Variants in NYAP2 observed in about 807,000 individuals in gnomAD.
NYAP2 encodes neuronal tyrosine-phosphorylated phosphoinositide-3-kinase adaptor 2.
In NYAP2, 23 loss-of-function variants were observed where a neutral mutation model predicts 50.4. The observed-to-expected ratio is 0.46, with a 90% confidence interval of 0.33 to 0.65. NYAP2 has a LOEUF of 0.65. NYAP2 is among the 30% of genes least tolerant of loss of function. The pLI is 0.02. For missense variants in NYAP2, 885 were observed against 861.0 expected, an observed-to-expected ratio of 1.03 and a Z score of -0.35; for synonymous variants, 394 against 365.2, an observed-to-expected ratio of 1.08 and a Z score of -0.90.
intron 4 of NYAP2, among the ~76,000 whole-genome samples, chr2:225,553,019 A>G (rs921452957): frequency 6.6e-6 from 1 of 152,170 alleles, no homozygotes; most frequent in Non-Finnish European, 1.5e-5. Flanking sequence ...CACCAAGGCT[A>G]TGGTACTTTG....
intron 5 of NYAP2, among the ~76,000 whole-genome samples, chr2:225,599,158 G>A (rs563194748): frequency 2.0e-5 from 3 of 152,240 alleles, no homozygotes; most frequent in East Asian, 1.9e-4. Context: ...AGGCATACCC[G>A]AGTTCCCGAG....
chr2:225,583,912 G>A (rs1351177917), intron 5 of NYAP2, among the ~76,000 whole-genome samples: 1 of 152,084 alleles, frequency 6.6e-6, no homozygotes, highest in African/African-American at 2.4e-5. Context: ...TGTGGTGGCG[G>A]GCACCTTTAG....
At chr2:225,466,222 C>G (rs930218398) in intron 3 of NYAP2, among the ~76,000 whole-genome samples, 2 of 152,144 alleles carry the variant, frequency 1.3e-5, no homozygotes, top group Non-Finnish European at 2.9e-5. Flanking sequence ...GATTTATATG[C>G]CCTCTTGACA....
the NYAP2 span, among the ~76,000 whole-genome samples, chr2:225,682,817 G>A: frequency 6.6e-6 from 1 of 152,190 alleles, no homozygotes; most frequent in African/African-American, 2.4e-5. Context: ...AGAGCCCAGA[G>A]TTCTTATGAG....
intron 3 of NYAP2, among the ~76,000 whole-genome samples, chr2:225,488,618 CCA>C (rs1312754659): frequency 6.6e-6 from 1 of 152,192 alleles, no homozygotes; most frequent in Non-Finnish European, 1.5e-5. Context: ...AAATGATCGC[CCA>C]CCTTGGCCTC....
At chr2:225,657,928 C>T (rs538631177), downstream of NYAP2, among the ~76,000 whole-genome samples, 28 of 152,222 alleles carry the variant, frequency 1.8e-4, no homozygotes, top group South Asian at 4.1e-4. Flanking sequence ...GTGTGACCAA[C>T]GGCCCCTTCT....
chr2:225,467,313 T>C (rs1434711704), intron 3 of NYAP2, among the ~76,000 whole-genome samples: 7 of 152,178 alleles, frequency 4.6e-5, no homozygotes, highest in Non-Finnish European at 7.3e-5. Context: ...TTCAGGTTTT[T>C]CCTACCTATT....
At chr2:225,481,304 A>T (rs1018397454) in intron 3 of NYAP2, among the ~76,000 whole-genome samples, 37 of 152,234 alleles carry the variant, frequency 2.4e-4, no homozygotes, top group African/African-American at 8.9e-4. Context: ...TGGTCAAATT[A>T]TAATAATAAT....
intron 6 of NYAP2, among the ~76,000 whole-genome samples, chr2:225,641,422 A>AACACACACACAC (rs56041107): frequency 9.0e-5 from 12 of 133,652 alleles, no homozygotes; most frequent in Non-Finnish European, 1.4e-4. Context: ...CAATCCCTCA[A>AACACACACACAC]ACACACACAC....
At chr2:225,441,064 T>C (rs1215317188) in intron 3 of NYAP2, among the ~76,000 whole-genome samples, 1 of 152,192 alleles carries the variant, frequency 6.6e-6, no homozygotes, top group African/African-American at 2.4e-5. Flanking sequence ...AATTGTGTCA[T>C]GGCCATCCTC....
intron 3 of NYAP2, among the ~76,000 whole-genome samples, chr2:225,454,111 C>T (rs1160621471): frequency 2.6e-5 from 4 of 151,930 alleles, no homozygotes; most frequent in Non-Finnish European, 5.9e-5. Context: ...ATCACTTGAG[C>T]CCAGGAATTT....
chr2:225,541,833 T>C (rs1288507438), intron 4 of NYAP2, among the ~76,000 whole-genome samples: 1 of 152,118 alleles, frequency 6.6e-6, no homozygotes, highest in Non-Finnish European at 1.5e-5. Context: ...AGAATGTCAT[T>C]GGTATTTTGA....
At chr2:225,686,456 G>A in the NYAP2 span, among the ~76,000 whole-genome samples, 2 of 152,156 alleles carry the variant, frequency 1.3e-5, no homozygotes, top group East Asian at 1.9e-4. Flanking sequence ...CAGTGTATCA[G>A]CTAACACTTT....
chr2:225,681,220 A>G, the NYAP2 span, among the ~76,000 whole-genome samples: 1 of 152,184 alleles, frequency 6.6e-6, no homozygotes, highest in African/African-American at 2.4e-5. Flanking sequence ...GTTCTACTGA[A>G]TCTGCTGTTT....
intron 6 of NYAP2, among the ~76,000 whole-genome samples, chr2:225,628,133 G>A (rs1693241987): frequency 6.6e-6 from 1 of 152,158 alleles, no homozygotes; most frequent in African/African-American, 2.4e-5. Flanking sequence ...GTAACTTGAA[G>A]CTTTGGTGGT....
intron 4 of NYAP2, among the ~76,000 whole-genome samples, chr2:225,568,448 G>C (rs958157783): frequency 1.3e-5 from 2 of 151,984 alleles, no homozygotes; most frequent in African/African-American, 4.8e-5. Flanking sequence ...GCTTCTTCAA[G>C]ACTATTTGAG....
intron 3 of NYAP2, among the ~76,000 whole-genome samples, chr2:225,412,536 G>A (rs1695064366): frequency 6.6e-6 from 1 of 151,820 alleles, no homozygotes; most frequent in South Asian, 2.1e-4. Context: ...CTAAAAACTG[G>A]CATGAAAAGT....
chr2:225,536,034 G>A (rs1311897952), intron 4 of NYAP2, among the ~76,000 whole-genome samples: 1 of 152,156 alleles, frequency 6.6e-6, no homozygotes, highest in East Asian at 1.9e-4. Context: ...CTGCCAATGA[G>A]TTTCAGTAAG....
intron 2 of NYAP2, among the ~76,000 whole-genome samples, chr2:225,408,259 G>A (rs1373325407): frequency 6.6e-6 from 1 of 151,904 alleles, no homozygotes; most frequent in Non-Finnish European, 1.5e-5. Context: ...TAGTATGAAG[G>A]CATTATGGAG....
Sources: gnomAD v4.1 joint callset for allele counts (sites outside exome capture counted in the v4.1 genomes callset) on GRCh38, gnomAD v4.1.1 for gene constraint, MANE v1.5 for transcripts, NCBI Gene and HGNC (gene_info 2026-07-23, HGNC 2026-07-21) for gene names.